Variants in ZNF267 observed in about 807,000 individuals in gnomAD.
The protein encoded by ZNF267 is zinc finger (C2H2).
A neutral mutation model predicts 71.6 loss-of-function variants in ZNF267; 61 were observed. The ratio of observed to expected loss-of-function variants is 0.85; its 90% CI spans 0.69 to 1.05. The LOEUF is 1.05. Among genes scored for constraint, ZNF267 ranks in the 50% least tolerant of loss-of-function variants. ZNF267 has a pLI of 0.00. For synonymous variants in ZNF267, 288 were observed against 293.2 expected, an observed-to-expected ratio of 0.98 and a Z score of 0.18; for missense variants, 852 against 870.0, an observed-to-expected ratio of 0.98 and a Z score of 0.26.
At chr16:31,896,148 C>G (rs1273280178) in intron 3 of ZNF267, among the ~76,000 whole-genome samples, 1 of 149,646 alleles carries the variant, frequency 6.7e-6, no homozygotes, top group Non-Finnish European at 1.5e-5. Context: ...AGTAGGCTCA[C>G]TATAGACACG....
chr16:31,914,800 G>A lies in ZNF267; in HGVS notation c.551G>A (p.Trp184Ter). ...LLNQQEEIDI[W>*]GKHHIYDKTS... Reference sequence around the variant, plus strand: ...AATCAACAAGAGGAAATAGATATTTGGGGAAAACATCACATATATGATAAA... The same window carrying A: ...AATCAACAAGAGGAAATAGATATTTAGGGAAAACATCACATATATGATAAA... The change falls in exon 4 of 4, where the codon TGG (tryptophan) becomes TAG (stop). Residue 184 changes from tryptophan (W) to a stop codon, truncating the protein, a stop_gained. Transcript: ENST00000300870. LOFTEE classifies it high-confidence loss of function. 1.2e-6 allele frequency: 2 copies of A among 1,612,918 alleles called. No homozygotes were observed. The highest frequency in any genetic ancestry group is 2.7e-5 in the African/African-American group (2 of 74,912).
chr16:31,903,153 G>A (rs903876266), intron 3 of ZNF267, among the ~76,000 whole-genome samples: 6 of 152,176 alleles, frequency 3.9e-5, no homozygotes, highest in African/African-American at 1.4e-4. Flanking sequence ...GATCATGGTG[G>A]ATAAGGTTTT....
At chr16:31,875,261 A>C in intron 1 of ZNF267, 1 of 1,289,196 alleles carries the variant, frequency 7.8e-7, no homozygotes. Flanking sequence ...GTGTTTAGTG[A>C]CTGTCAGCCC....
At position 31,916,238 on chromosome 16, in the gene ZNF267, A is replaced by T; in HGVS notation, c.1989A>T (p.Glu663Asp). Residue 663 changes from glutamate (E) to aspartate (D), a missense_variant, in exon 4 of 4, where the codon GAA becomes GAT. Transcript: ENST00000300870. ...SHTGERPYKC[E>D]ECGKAFNSRS... ...CTGGAGAGAGACCCTACAAATGTGA[A>T]GAATGTGGCAAAGCCTTCAACTCTA... is the stretch of plus-strand genomic sequence containing the variant. The T allele has an allele frequency of 6.2e-7, 1 of 1,614,100 alleles. No individual in the cohort carries two copies. The highest frequency in any genetic ancestry group is 2.2e-5 in the East Asian group (1 of 44,876).
chr16:31,898,029 T>G (rs2084012616), intron 3 of ZNF267, among the ~76,000 whole-genome samples: 1 of 152,124 alleles, frequency 6.6e-6, no homozygotes, highest in Admixed American at 6.5e-5. Context: ...TTCTTTCTGT[T>G]TTTGGTTTTG....
rs577164068 is a variant in ZNF267, at chr16:31,902,756, C to T, written c.227-11720C>T. On this transcript the variant is annotated intron_variant, in intron 3 of 3. Transcript: ENST00000300870. ...TCTGCAAACAGGGATAACTTGACTT[C>T]CTCTTTTCCTAATTGAATACCCTTT... is the stretch of plus-strand genomic sequence containing the variant. 2.6e-5 allele frequency among the ~76,000 whole-genome samples: 4 copies of T among 152,308 alleles called. No individual in the cohort carries two copies. In the East Asian group the frequency reaches 7.7e-4, roughly 29 times the overall value.
At chr16:31,895,717 C>G (rs2142345011) in intron 3 of ZNF267, among the ~76,000 whole-genome samples, 1 of 152,246 alleles carries the variant, frequency 6.6e-6, no homozygotes, top group African/African-American at 2.4e-5. Context: ...CATTTCCTGT[C>G]TGATTAATGA....
chr16:31,879,422 T>G (rs1458879220), intron 1 of ZNF267, among the ~76,000 whole-genome samples: 1 of 152,250 alleles, frequency 6.6e-6, no homozygotes, highest in African/African-American at 2.4e-5. Context: ...TAAAACAGTT[T>G]TCTTTCTTTT....
In ZNF267 at chr16:31,916,365, C is replaced by T. The variant is rs370616790; in HGVS notation, c.2116C>T (p.His706Tyr). The T allele has an allele frequency of 2.5e-6, 4 of 1,613,942 alleles. No homozygotes were observed. The highest frequency in any genetic ancestry group is 2.7e-5 in the African/African-American group (2 of 74,930). Residue 706 changes from histidine to tyrosine, a missense_variant, in exon 4 of 4, where the codon CAT (histidine) becomes TAT (tyrosine). His to Tyr is a moderately conservative substitution (Grantham distance 83). Transcript: ENST00000300870. ...CAGCTATAGGTCATACCTCACTACA[C>T]ATCGGAGAAGTCATAGTGGAGAGAG... The part of the protein sequence containing the change: ...AFSYRSYLTT[H>Y]RRSHSGERPY...
chr16:31,909,150 G>A (rs1383447612), intron 3 of ZNF267, among the ~76,000 whole-genome samples: 3 of 47,952 alleles, frequency 6.3e-5, no homozygotes, highest in East Asian at 8.0e-4. Context: ...TTTTTTTGAC[G>A]TATCTCCCTC....
intron 1 of ZNF267, among the ~76,000 whole-genome samples, chr16:31,874,941 C>T (rs2083841567): frequency 6.6e-6 from 1 of 152,160 alleles, no homozygotes; most frequent in East Asian, 1.9e-4. Flanking sequence ...ACTCATTAAT[C>T]ATGATTTCAC....
At chr16:31,885,675 A>G (rs1157638631) in intron 3 of ZNF267, among the ~76,000 whole-genome samples, 1 of 152,234 alleles carries the variant, frequency 6.6e-6, no homozygotes, top group African/African-American at 2.4e-5. Context: ...CAGAAGTCTC[A>G]GGAATTCTGT....
intron 1 of ZNF267, among the ~76,000 whole-genome samples, chr16:31,881,945 C>T (rs753336802): frequency 2.0e-5 from 3 of 152,162 alleles, no homozygotes; most frequent in Admixed American, 6.5e-5. Context: ...GGATTACAGG[C>T]GTGAGCCACC....
intron 3 of ZNF267, among the ~76,000 whole-genome samples, chr16:31,908,065 A>G (rs2084106324): frequency 6.6e-6 from 1 of 152,062 alleles, no homozygotes; most frequent in Non-Finnish European, 1.5e-5. Context: ...TAATACTAAT[A>G]ATAAATACAC....
At chr16:31,911,483 G>A (rs958489116) in intron 3 of ZNF267, among the ~76,000 whole-genome samples, 1 of 151,076 alleles carries the variant, frequency 6.6e-6, no homozygotes, top group African/African-American at 2.4e-5. Flanking sequence ...TAGCTACTTT[G>A]GTTCTTTTTT....
intron 1 of ZNF267, among the ~76,000 whole-genome samples, chr16:31,880,073 G>A (rs987768993): frequency 6.6e-6 from 1 of 152,138 alleles, no homozygotes; most frequent in African/African-American, 2.4e-5. Flanking sequence ...GATTCCACCT[G>A]GGGTCTGCAC....
chr16:31,915,744 A>G lies in ZNF267; in HGVS notation c.1495A>G (p.Lys499Glu). 2 of 1,613,324 alleles carry G rather than the reference A, an allele frequency of 1.2e-6. No homozygotes were observed. The highest frequency in any genetic ancestry group is 1.1e-5 in the South Asian group (1 of 91,016). ...GCCTTATAAATGTAAAGAATGTGGC[A>G]AAGTCTTTAGCCGTAGTTCTTGCCT... ...EKPYKCKECGKVFSRSSCLTQ... is the reference protein window; with the variant it reads ...EKPYKCKECGEVFSRSSCLTQ... Residue 499 changes from lysine (K) to glutamate (E), a missense_variant, in exon 4 of 4, where the codon AAA becomes GAA. Physicochemically the swap from Lys to Glu is moderately conservative, Grantham distance 56. Coordinates refer to ENST00000300870, the MANE Select transcript of ZNF267 (RefSeq NM_003414.6).
At position 31,915,832 on chromosome 16, in the gene ZNF267, C is replaced by T; in HGVS notation, c.1583C>T (p.Pro528Leu). 6.2e-7 allele frequency: 1 copy of T among 1,613,480 alleles called. No homozygotes were observed. Among genetic ancestry groups the T allele is most frequent in the African/African-American group, 1.3e-5 (1 of 74,994 alleles). ...NLYKCKVCAK[P>L]FTCFSNLIVH... The stretch of plus-strand genomic sequence containing the variant: ...TACAAATGCAAAGTATGTGCTAAAC[C>T]TTTTACTTGTTTCTCAAATCTTATT... The change falls in exon 4 of 4, where the codon CCT (proline) becomes CTT (leucine). Residue 528 changes from proline to leucine, a missense_variant. Pro to Leu is a moderately conservative substitution (Grantham distance 98). Transcript: ENST00000300870.
intron 1 of ZNF267, among the ~76,000 whole-genome samples, chr16:31,874,913 C>A (rs994706901): frequency 6.6e-6 from 1 of 152,180 alleles, no homozygotes; most frequent in Non-Finnish European, 1.5e-5. Flanking sequence ...ATTTATTGTA[C>A]ATTTCAGACA....
Sources: gnomAD v4.1 joint callset for allele counts (sites outside exome capture counted in the v4.1 genomes callset) on GRCh38, gnomAD v4.1.1 for gene constraint, MANE v1.5 for transcripts, NCBI Gene and HGNC (gene_info 2026-07-23, HGNC 2026-07-21) for gene names.